NEFH: variants seen among roughly 807,000 people sequenced by gnomAD.
The protein encoded by NEFH is neurofilament heavy polypeptide.
In NEFH, 58 loss-of-function variants were observed where a neutral mutation model predicts 56.6. The observed-to-expected ratio is 1.03, with a 90% CI of 0.83 to 1.28. The LOEUF is 1.28. Among genes scored for constraint, NEFH ranks in the 50% most tolerant of loss-of-function variants. NEFH has a pLI of 0.00. For synonymous variants in NEFH, 542 were observed against 545.8 expected (o/e 0.99, Z 0.10); for missense variants, 1,221 against 1,307.6 (o/e 0.93, Z 1.02).
At position 29,480,632 on chromosome 22, in the gene NEFH, A is replaced by G; in HGVS notation, c.370A>G (p.Ser124Gly). The change falls in exon 1 of 4, where the codon AGC (serine) becomes GGC (glycine). Residue 124 changes from serine to glycine, a missense_variant. This residue lies in a region of NEFH where 640 missense variants were observed against 555.5 expected (regional missense o/e 1.15). Transcript: ENST00000310624. ...GCGGCAGCTGGAGGCGCACAACCGC[A>G]GCCTGGAGGGCGAGGCTGCGGCGCT... ...KVRQLEAHNRSLEGEAAALRQ... is the reference protein window; with the variant it reads ...KVRQLEAHNRGLEGEAAALRQ... The G allele has an allele frequency of 1.3e-6, 2 of 1,563,942 alleles. No individual in the cohort carries two copies. The highest frequency in any genetic ancestry group is 2.3e-5 in the South Asian group (2 of 86,372).
Position 29,480,979 on chromosome 22 carries a change from C to A in NEFH, c.717C>A (p.Gly239=). 1.3e-6 allele frequency: 2 copies of A among 1,531,714 alleles called. No homozygotes were observed. Among genetic ancestry groups the A allele is most frequent in the South Asian group, 1.2e-5 (1 of 83,842 alleles). 94.9% of individuals were successfully genotyped at this position (1,531,714 alleles called of 1,614,324 possible). ...YLRRHHQEEV[G]ELLGQIQGSG... Reference sequence around the variant, plus strand: ...GGCGCCACCACCAGGAAGAGGTGGGCGAGCTGCTCGGCCAGATCCAGGGCT... The same window carrying A: ...GGCGCCACCACCAGGAAGAGGTGGGAGAGCTGCTCGGCCAGATCCAGGGCT... Residue 239 remains glycine (G), a synonymous_variant, in exon 1 of 4, where the codon GGC becomes GGA. Transcript: ENST00000310624.
intron 1 of NEFH, 83 bp from the exon 2 acceptor site, chr22:29,483,279 AAAAAAAAAAAAAG>A: frequency 9.2e-7 from 1 of 1,085,534 alleles, no homozygotes; most frequent in Non-Finnish European, 1.3e-6. Context: ...TCCGTCTCAA[AAAAAAAAAAAAAG>A]AAAAAGAACA....
rs371229323 is a variant in NEFH, at chr22:29,490,024, C to A, written c.2384C>A (p.Ser795Tyr). 6.2e-7 allele frequency: 1 copy of A among 1,613,888 alleles called. No homozygotes were observed. The highest frequency in any genetic ancestry group is 8.5e-7 in the Non-Finnish European group (1 of 1,179,970). Residue 795 changes from serine (S) to tyrosine (Y), a missense_variant, in exon 4 of 4, where the codon TCC (serine) becomes TAC (tyrosine). Ser to Tyr is a moderately radical substitution (Grantham distance 144). Around this residue, in one of 4 missense-constraint regions of NEFH, gnomAD observed 301 missense variants for 346.6 expected, o/e 0.87. Transcript: ENST00000310624. ...AKSPVKEEVK[S>Y]PEKAKSPLKE... ...AGCCCTGTCAAGGAGGAGGTCAAGT[C>A]CCCAGAGAAGGCGAAATCTCCCCTG...
Position 29,491,188 on chromosome 22 carries a change from G to T in NEFH, c.*485G>T, listed in dbSNP as rs747685642. 1 of 257,448 alleles carries T rather than the reference G, an allele frequency of 3.9e-6. No homozygotes were observed. The highest frequency in any genetic ancestry group is 4.8e-5 in the South Asian group (1 of 20,868). 15.9% of individuals were successfully genotyped at this position (257,448 alleles called of 1,614,324 possible). Reference sequence around the variant, plus strand: ...TCTATTCTGGAAGAGCGGTCCAGGTGGGGCCGGGGACTGGCCACTGAATTA... The same window carrying T: ...TCTATTCTGGAAGAGCGGTCCAGGTTGGGCCGGGGACTGGCCACTGAATTA... On this transcript the variant is annotated 3_prime_UTR_variant, in exon 4 of 4. Coordinates refer to ENST00000310624, the MANE Select transcript of NEFH (RefSeq NM_021076.4).
intron 3 of NEFH, 123 bp from the exon 4 acceptor site, chr22:29,488,726 C>T: frequency 3.2e-6 from 3 of 937,448 alleles, no homozygotes; most frequent in Non-Finnish European, 5.2e-6. Flanking sequence ...CCACCATTCA[C>T]ATTCCTGTTC....
intron 1 of NEFH, among the ~76,000 whole-genome samples, chr22:29,481,714 A>C (rs1010121933): frequency 2.6e-5 from 4 of 151,628 alleles, no homozygotes; most frequent in Admixed American, 6.6e-5. Context: ...CCTAGAGGGA[A>C]CCATTACTAC....
At position 29,480,691 on chromosome 22, in the gene NEFH, C is replaced by T; in HGVS notation, c.429C>T (p.Gly143=). ...AGCAGGCGGGCCGCTCCGCTATGGGCGAGCTGTACGAGCGCGAGGTCCGCG... is the reference window on the plus strand; with the variant it reads ...AGCAGGCGGGCCGCTCCGCTATGGGTGAGCTGTACGAGCGCGAGGTCCGCG... ...RQQQAGRSAM[G]ELYEREVREM... is the part of the protein sequence containing the mutation. The change falls in exon 1 of 4, where the codon GGC becomes GGT. Residue 143 remains glycine (G), a synonymous_variant. Coordinates refer to ENST00000310624, the MANE Select transcript of NEFH (RefSeq NM_021076.4). The T allele has an allele frequency of 6.5e-7, 1 of 1,538,168 alleles. No individual in the cohort carries two copies. Among genetic ancestry groups the T allele is most frequent in the Non-Finnish European group, 8.7e-7 (1 of 1,149,782 alleles).
chr22:29,480,799 G>A lies in NEFH; in HGVS notation c.537G>A (p.Ala179=). The A allele has an allele frequency of 1.4e-6, 2 of 1,411,082 alleles. No homozygotes were observed. Among genetic ancestry groups the A allele is most frequent in the Non-Finnish European group, 1.8e-6 (2 of 1,093,752 alleles). 87.4% of individuals were successfully genotyped at this position (1,411,082 alleles called of 1,614,324 possible). ...LEQEHLLEDI[A]HVRQRLDDEA... ...AGGAGCACCTGCTCGAGGACATCGCGCACGTGCGCCAGCGCCTAGACGACG... is the reference window on the plus strand; with the variant it reads ...AGGAGCACCTGCTCGAGGACATCGCACACGTGCGCCAGCGCCTAGACGACG... The change falls in exon 1 of 4, where the codon GCG becomes GCA. Residue 179 remains alanine (A), a synonymous_variant. Coordinates refer to ENST00000310624, the MANE Select transcript of NEFH (RefSeq NM_021076.4).
chr22:29,480,525 T>G lies in NEFH; in HGVS notation c.263T>G (p.Met88Arg). The change falls in exon 1 of 4, where the codon ATG becomes AGG. Residue 88 changes from methionine to arginine, a missense_variant. Met to Arg is a moderately conservative substitution (Grantham distance 91). Transcript: ENST00000310624. ...CTGAGCAACGGGCCGGAGGGCTGCA[T>G]GGTGGCGGTGGCCACCTCACGCAGT... is the stretch of plus-strand genomic sequence containing the variant. ...DTLSNGPEGC[M>R]VAVATSRSEK... is the part of the protein sequence containing the mutation. The G allele has an allele frequency of 6.5e-7, 1 of 1,536,470 alleles. No individual in the cohort carries two copies. Among genetic ancestry groups the G allele is most frequent in the East Asian group, 2.4e-5 (1 of 41,210 alleles).
rs2062993977 is a variant in NEFH, at chr22:29,480,220, A to AGTGCCTCCCGCC, written c.-42_-31dup. Reference sequence around the variant, plus strand: ...AGGGCCGGCGCCCTGGTGCTGCCGCAGTGCCTCCCGCCCCGTCCCGGCCTC... The same window carrying AGTGCCTCCCGCC: ...AGGGCCGGCGCCCTGGTGCTGCCGCAGTGCCTCCCGCCGTGCCTCCCGCCCCGTCCCGGCCTC... On this transcript the variant is annotated 5_prime_UTR_variant, in exon 1 of 4. Coordinates refer to ENST00000310624, the MANE Select transcript of NEFH (RefSeq NM_021076.4). 3.4e-6 allele frequency: 5 copies of AGTGCCTCCCGCC among 1,475,304 alleles called. No homozygotes were observed. The highest frequency in any genetic ancestry group is 4.5e-6 in the Non-Finnish European group (5 of 1,123,142). The allele number at this position is 1,475,304 out of a possible 1,614,324, so 91.4% of individuals were successfully genotyped here.
rs926329788 is a variant in NEFH, at chr22:29,480,955, G to A, written c.693G>A (p.Arg231=). 9.8e-6 allele frequency: 15 copies of A among 1,530,280 alleles called. No individual in the cohort carries two copies. The African/African-American group carries it at 1.8e-4, about 18-fold the overall frequency. The allele number at this position is 1,530,280 out of a possible 1,614,324, so 94.8% of individuals were successfully genotyped here. Residue 231 remains arginine (R), a synonymous_variant, in exon 1 of 4, where the codon CGG becomes CGA. Coordinates refer to ENST00000310624, the MANE Select transcript of NEFH (RefSeq NM_021076.4). ...QALQEECGYL[R]RHHQEEVGEL... is the part of the protein sequence containing the mutation. Reference sequence around the variant, plus strand: ...TGCAGGAGGAGTGCGGCTACCTGCGGCGCCACCACCAGGAAGAGGTGGGCG... The same window carrying A: ...TGCAGGAGGAGTGCGGCTACCTGCGACGCCACCACCAGGAAGAGGTGGGCG...
At position 29,490,080 on chromosome 22, in the gene NEFH, A is replaced by G. The variant is rs748832999; in HGVS notation, c.2440A>G (p.Ile814Val). 6.8e-6 allele frequency: 11 copies of G among 1,613,284 alleles called. No homozygotes were observed. Among genetic ancestry groups the G allele is most frequent in the Non-Finnish European group, 9.3e-6 (11 of 1,179,726 alleles). Residue 814 changes from isoleucine (I) to valine (V), a missense_variant, in exon 4 of 4, where the codon ATC (isoleucine) becomes GTC (valine). Ile to Val is a conservative substitution (Grantham distance 29, BLOSUM62 3). This residue lies in a region of NEFH where 301 missense variants were observed against 346.6 expected (regional missense o/e 0.87). Coordinates refer to ENST00000310624, the MANE Select transcript of NEFH (RefSeq NM_021076.4). ...GGATGCCAAGGCCCCTGAGAAGGAGATCCCAAAAAAGGAAGAGGTGAAGTC... is the reference window on the plus strand; with the variant it reads ...GGATGCCAAGGCCCCTGAGAAGGAGGTCCCAAAAAAGGAAGAGGTGAAGTC... ...KEDAKAPEKE[I>V]PKKEEVKSPV...
Position 29,488,831 on chromosome 22 carries a change from C to T in NEFH, c.1209-18C>T. ...TGCCCTGAGTTTATACTAATGTGTT[C>T]CGTGATCCATCCTGCAGAAAACTCC... On this transcript the variant is annotated intron_variant, in intron 3 of 3. Coordinates refer to ENST00000310624, the MANE Select transcript of NEFH (RefSeq NM_021076.4). 6.2e-7 allele frequency: 1 copy of T among 1,613,768 alleles called. No homozygotes were observed. Among genetic ancestry groups the T allele is most frequent in the Admixed American group, 1.7e-5 (1 of 60,020 alleles).
rs533262714 is a variant in NEFH, at chr22:29,480,940, G to C, written c.678G>C (p.Glu226Asp). ...AGAAGGCGCAGGCGCTGCAGGAGGA[G>C]TGCGGCTACCTGCGGCGCCACCACC... ...LQKKAQALQE[E>D]CGYLRRHHQE... The change falls in exon 1 of 4, where the codon GAG becomes GAC. Residue 226 changes from glutamate to aspartate, a missense_variant. Coordinates refer to ENST00000310624, the MANE Select transcript of NEFH (RefSeq NM_021076.4). 1 of 1,529,948 alleles carries C rather than the reference G, an allele frequency of 6.5e-7. No individual in the cohort carries two copies. The highest frequency in any genetic ancestry group is 2.5e-5 in the East Asian group (1 of 40,222). 94.8% of individuals were successfully genotyped at this position (1,529,948 alleles called of 1,614,324 possible).
chr22:29,487,460 C>CA (rs1208355921), intron 3 of NEFH, among the ~76,000 whole-genome samples: 7 of 117,042 alleles, frequency 6.0e-5, no homozygotes, highest in Admixed American at 1.6e-4. Flanking sequence ...CCCATCTCTA[C>CA]AAAAAATACA....
At chr22:29,486,519 C>CT (rs362163) in intron 3 of NEFH, among the ~76,000 whole-genome samples, 2,764 of 102,484 alleles carry the variant, frequency 0.027, 123 homozygotes, top group African/African-American at 0.059. Flanking sequence ...AGACATGAGT[C>CT]TTTTTTTTTT....
At chr22:29,486,568 G>A (rs544340005) in intron 3 of NEFH, among the ~76,000 whole-genome samples, 1 of 144,264 alleles carries the variant, frequency 6.9e-6, no homozygotes, top group South Asian at 2.3e-4. Context: ...TGTTGCCCAG[G>A]CTGGAGTGCA....
rs377204524 is a variant in NEFH, at chr22:29,489,221, G to A, written c.1581G>A (p.Pro527=). The change falls in exon 4 of 4, where the codon CCG becomes CCA. Residue 527 remains proline, a synonymous_variant. Transcript: ENST00000310624. ...CAGTAAAGGAAGAGGCAAAGTCACCGGCTGAGGCCAAGTCCCCAGAGAAGG... is the reference window on the plus strand; with the variant it reads ...CAGTAAAGGAAGAGGCAAAGTCACCAGCTGAGGCCAAGTCCCCAGAGAAGG... The part of the protein sequence containing the change: ...KSPVKEEAKS[P]AEAKSPEKEE... The A allele has an allele frequency of 3.3e-5, 53 of 1,614,086 alleles. No individual in the cohort carries two copies. Among genetic ancestry groups the A allele is most frequent in the Admixed American group, 8.3e-5 (5 of 59,996 alleles).
At chr22:29,481,522 C>G (rs911106487) in intron 1 of NEFH, among the ~76,000 whole-genome samples, 1 of 152,156 alleles carries the variant, frequency 6.6e-6, no homozygotes, top group Admixed American at 6.5e-5. Flanking sequence ...GCTGGAGACT[C>G]TTAGCCCTTC....
Sources: allele counts gnomAD v4.1 joint callset (sites outside exome capture counted in the v4.1 genomes callset), GRCh38; gene constraint gnomAD v4.1.1; regional missense constraint gnomAD v4.1.1; transcripts MANE v1.5; gene names NCBI Gene and HGNC (gene_info 2026-07-23, HGNC 2026-07-21).